Variants in SSH2 observed in about 807,000 individuals in gnomAD.
SSH2 encodes the protein slingshot protein phosphatase 2, also known as protein phosphatase Slingshot homolog 2.
Under a neutral mutation model 135.2 loss-of-function variants are expected in SSH2, and 37 were observed. That is an observed-to-expected ratio of 0.27 (90% CI 0.21 to 0.36). The LOEUF is 0.36. SSH2 is among the 10% of genes least tolerant of loss of function. The pLI is 1.00. For synonymous variants in SSH2, 628 were observed against 646.2 expected, an observed-to-expected ratio of 0.97 and a Z score of 0.43; for missense variants, 1,408 against 1,765.3, an observed-to-expected ratio of 0.80 and a Z score of 3.63.
At position 29,765,951 on chromosome 17, in the gene SSH2, C is replaced by T. The variant is rs373556428; in HGVS notation, c.188+27943G>A. 1.9e-4 allele frequency among the ~76,000 whole-genome samples: 26 copies of T among 138,790 alleles called. No homozygotes were observed. In the East Asian group the frequency reaches 2.6e-3, roughly 14 times the overall value. 91.1% of individuals were successfully genotyped at this position (138,790 alleles called of 152,430 possible). Reference sequence around the variant, plus strand: ...AGGAGAATCGCTTGAACCTGGGAGGCGGATGTTGCAGTGAGCCAAGATCGC... The same window carrying T: ...AGGAGAATCGCTTGAACCTGGGAGGTGGATGTTGCAGTGAGCCAAGATCGC... On this transcript the variant is annotated intron_variant, in intron 3 of 15. Transcript: ENST00000540801.
chr17:29,790,213 G>A (rs2042040193), intron 3 of SSH2, among the ~76,000 whole-genome samples: 1 of 152,156 alleles, frequency 6.6e-6, no homozygotes, highest in South Asian at 2.1e-4. Context: ...TCGAAAGTGA[G>A]GCGAGGCCTT....
chr17:29,691,846 T>C (rs1022435808), intron 5 of SSH2, among the ~76,000 whole-genome samples: 1 of 150,758 alleles, frequency 6.6e-6, no homozygotes, highest in Non-Finnish European at 1.5e-5. Flanking sequence ...AAAAATGAAG[T>C]CAAGACTTTC....
chr17:29,708,714 T>C (rs1402439385), intron 3 of SSH2, among the ~76,000 whole-genome samples: 1 of 151,700 alleles, frequency 6.6e-6, no homozygotes, highest in Non-Finnish European at 1.5e-5. Flanking sequence ...CAGTAAACTC[T>C]ATGAAGTCAT....
intron 11 of SSH2, among the ~76,000 whole-genome samples, chr17:29,657,158 G>A (rs1165100898): frequency 6.6e-6 from 1 of 151,690 alleles, no homozygotes; most frequent in Non-Finnish European, 1.5e-5. Context: ...GTAGAGACAG[G>A]GTTTCACCAT....
At chr17:29,854,726 T>C (rs942864589) in intron 1 of SSH2, among the ~76,000 whole-genome samples, 1 of 152,038 alleles carries the variant, frequency 6.6e-6, no homozygotes, top group Non-Finnish European at 1.5e-5. Flanking sequence ...GGCGGGTGGA[T>C]CACCTGAGGT....
chr17:29,858,676 C>T (rs892083522), intron 1 of SSH2, among the ~76,000 whole-genome samples: 2 of 151,928 alleles, frequency 1.3e-5, no homozygotes, highest in South Asian at 4.1e-4. Flanking sequence ...GCCAGGAGAT[C>T]GAGACCAGCC....
At chr17:29,799,993 T>C (rs1234055728) in intron 2 of SSH2, among the ~76,000 whole-genome samples, 1 of 152,222 alleles carries the variant, frequency 6.6e-6, no homozygotes, top group Non-Finnish European at 1.5e-5. Context: ...TCTTTTTTCA[T>C]GGCTTTTAAT....
At chr17:29,769,229 A>C (rs1339290203) in intron 3 of SSH2, among the ~76,000 whole-genome samples, 1 of 152,142 alleles carries the variant, frequency 6.6e-6, no homozygotes, top group African/African-American at 2.4e-5. Context: ...CTTCTTTCTT[A>C]AACAGTATTC....
chr17:29,841,892 A>ATTTTTTTTTTTTTTTTTTT (rs770836134), intron 2 of SSH2, among the ~76,000 whole-genome samples: 2 of 99,648 alleles, frequency 2.0e-5, no homozygotes, highest in African/African-American at 3.9e-5. Flanking sequence ...CCCTTGGCTA[A>ATTTTTTTTTTTTTTTTTTT]TTTTTTTTTT....
chr17:29,778,618 C>G lies in SSH2; in HGVS notation c.188+15276G>C, dbSNP rs562890669. On this transcript the variant is annotated intron_variant, in intron 3 of 15. Transcript: ENST00000540801. ...TCACGCCACTGCACTCCAGCCTGGG[C>G]GACAAGAGTGAGATTCTGTCTAAAA... 6.0e-5 allele frequency among the ~76,000 whole-genome samples: 9 copies of G among 149,728 alleles called. No homozygotes were observed. In the East Asian group the frequency reaches 1.8e-3, roughly 29 times the overall value.
At chr17:29,772,147 C>G (rs1169594535) in intron 3 of SSH2, among the ~76,000 whole-genome samples, 1 of 151,616 alleles carries the variant, frequency 6.6e-6, no homozygotes, top group African/African-American at 2.4e-5. Flanking sequence ...CACCTCACAG[C>G]AACCTAAAAG....
chr17:29,804,336 A>G (rs1293842187), intron 2 of SSH2, among the ~76,000 whole-genome samples: 1 of 152,218 alleles, frequency 6.6e-6, no homozygotes, highest in East Asian at 1.9e-4. Context: ...TAAAATACAA[A>G]TAGGTGTGAA....
chr17:29,721,677 A>G (rs148668527), intron 3 of SSH2, among the ~76,000 whole-genome samples: 9 of 152,332 alleles, frequency 5.9e-5, no homozygotes, highest in South Asian at 2.1e-4. Context: ...AAGATATTCA[A>G]TAACAAACTT....
chr17:29,691,841 T>C (rs1415980972), intron 5 of SSH2, among the ~76,000 whole-genome samples: 1 of 151,368 alleles, frequency 6.6e-6, no homozygotes, highest in Non-Finnish European at 1.5e-5. Context: ...ATTTAAAAAA[T>C]GAAGTCAAGA....
At position 29,913,347 on chromosome 17, in the gene SSH2, A is replaced by AAAAAAAATTATATATAT; in HGVS notation, c.63+16590_63+16591insATATATATAATTTTTTT. Among the ~76,000 whole-genome samples, 10 of 28,786 alleles carry AAAAAAAATTATATATAT rather than the reference A, an allele frequency of 3.5e-4. 1 individual carries two copies. Among genetic ancestry groups the AAAAAAAATTATATATAT allele is most frequent in the East Asian group, 2.2e-3 (1 of 450 alleles). The allele number at this position is 28,786 out of a possible 152,430, so 18.9% of individuals were successfully genotyped here. ...AAAAAAAAAAAAAAAAAAAAAAAAA[A>AAAAAAAATTATATATAT]ATATATATATATATATATATATATA... On this transcript the variant is annotated intron_variant, in intron 1 of 15. Coordinates refer to ENST00000540801, the MANE Select transcript of SSH2 (RefSeq NM_001282129.2).
chr17:29,789,346 T>A (rs1599002100), intron 3 of SSH2, among the ~76,000 whole-genome samples: 2 of 152,104 alleles, frequency 1.3e-5, no homozygotes, highest in African/African-American at 4.8e-5. Flanking sequence ...ATAAGGAGGG[T>A]AGTGTTGGTG....
At chr17:29,917,054 C>T (rs2066894575) in intron 1 of SSH2, among the ~76,000 whole-genome samples, 1 of 151,260 alleles carries the variant, frequency 6.6e-6, no homozygotes, top group African/African-American at 2.4e-5. Context: ...AGGTTTTTCC[C>T]TTTTTCTTTA....
intron 4 of SSH2, among the ~76,000 whole-genome samples, chr17:29,699,929 C>T (rs989646829): frequency 5.9e-5 from 9 of 152,090 alleles, no homozygotes; most frequent in Non-Finnish European, 1.3e-4. Flanking sequence ...TTATTTCTTC[C>T]CTTACTCTAA....
intron 14 of SSH2, chr17:29,641,662 T>C (rs1440448844): frequency 6.6e-6 from 1 of 152,224 alleles, no homozygotes; most frequent in Non-Finnish European, 1.5e-5. Flanking sequence ...ATCTTCTCTG[T>C]ATAGTTCCAA....
Sources: allele counts gnomAD v4.1 joint callset (sites outside exome capture counted in the v4.1 genomes callset), GRCh38; gene constraint gnomAD v4.1.1; transcripts MANE v1.5; gene names NCBI Gene and HGNC (gene_info 2026-07-23, HGNC 2026-07-21).